The following DBR1 variants were observed in gnomAD, a reference collection of about 807,000 sequenced individuals.
DBR1 encodes the protein debranching RNA lariats 1.
Under a neutral mutation model 45.9 loss-of-function variants are expected in DBR1, and 33 were observed. The observed-to-expected ratio is 0.72, with a 90% confidence interval of 0.55 to 0.96. The LOEUF is 0.96. DBR1 is among the 40% of genes least tolerant of loss of function. The pLI is 0.00. For missense variants in DBR1, 619 were observed against 667.4 expected (o/e 0.93, Z 0.80); for synonymous variants, 235 against 235.9 (o/e 1.00, Z 0.04).
chr3:138,172,454 G>A (rs2042959626), intron 2 of DBR1, among the ~76,000 whole-genome samples: 1 of 152,068 alleles, frequency 6.6e-6, no homozygotes, highest in African/African-American at 2.4e-5. Context: ...AATTAGCCGG[G>A]CGTGGTGGTA....
chr3:138,171,996 T>G (rs2042957626), intron 2 of DBR1, among the ~76,000 whole-genome samples: 1 of 152,056 alleles, frequency 6.6e-6, no homozygotes, highest in Admixed American at 6.6e-5. Context: ...CAGACATAAT[T>G]TGGTACCTAA....
intron 4 of DBR1, 52 bp from the exon 5 acceptor site, chr3:138,167,357 A>C: frequency 8.0e-7 from 1 of 1,252,582 alleles, no homozygotes; most frequent in Non-Finnish European, 1.1e-6. Flanking sequence ...CAGATTAACC[A>C]AAACAATCCC....
intron 7 of DBR1, 37 bp from the exon 8 acceptor site, chr3:138,162,619 T>C (rs748990290): frequency 2.0e-6 from 3 of 1,513,710 alleles, no homozygotes; most frequent in South Asian, 2.3e-5. Context: ...TTACATTTTA[T>C]CAGCTCTAAA....
chr3:138,168,556 A>T (rs2042940850), intron 4 of DBR1, among the ~76,000 whole-genome samples: 1 of 151,976 alleles, frequency 6.6e-6, no homozygotes, highest in Non-Finnish European at 1.5e-5. Flanking sequence ...ACTGCTCAAG[A>T]CAATACAAAA....
In DBR1 at chr3:138,173,496, A is replaced by G; in HGVS notation, c.322+6T>C. 2 of 1,613,504 alleles carry G rather than the reference A, an allele frequency of 1.2e-6. No individual in the cohort carries two copies. Among genetic ancestry groups the G allele is most frequent in the Non-Finnish European group, 1.7e-6 (2 of 1,179,646 alleles). ...AAAAAAAGTATCCACAAACACAATC[A>G]CATACCTAAATAATAAATGTTTGGT... On this transcript the variant is annotated splice_donor_region_variant and intron_variant, in intron 2 of 7. Transcript: ENST00000260803.
intron 3 of DBR1, among the ~76,000 whole-genome samples, chr3:138,170,615 C>T (rs2042949764): frequency 6.6e-6 from 1 of 152,142 alleles, no homozygotes; most frequent in Admixed American, 6.5e-5. Context: ...CCACACCTGC[C>T]ACAGAGAAGA....
chr3:138,165,295 C>A (rs768360927), intron 5 of DBR1, among the ~76,000 whole-genome samples: 20 of 152,096 alleles, frequency 1.3e-4, no homozygotes, highest in Non-Finnish European at 2.5e-4. Context: ...CAGATTTTTT[C>A]AGATTTTGGA....
At chr3:138,166,869 C>A (rs1476419448) in intron 5 of DBR1, among the ~76,000 whole-genome samples, 1 of 152,210 alleles carries the variant, frequency 6.6e-6, no homozygotes, top group African/African-American at 2.4e-5. Flanking sequence ...TCCCATCCCA[C>A]CACAGTCTGG....
chr3:138,169,808 C>T (rs2042946384), intron 4 of DBR1, among the ~76,000 whole-genome samples: 1 of 151,956 alleles, frequency 6.6e-6, no homozygotes, highest in Non-Finnish European at 1.5e-5. Context: ...TGGTGTGCGC[C>T]CATAGTTCCA....
chr3:138,169,025 T>C (rs868771090), intron 4 of DBR1, among the ~76,000 whole-genome samples: 1 of 151,604 alleles, frequency 6.6e-6, no homozygotes, highest in African/African-American at 2.4e-5. Context: ...CTTAAAGGAC[T>C]GGTAGGATTT....
In DBR1 at chr3:138,174,731, A is replaced by T. The variant is rs1274114946; in HGVS notation, c.65T>A (p.Leu22Gln). Reference sequence around the variant, plus strand: ...AGGCCCCGGGCCGCGCCGCTCTGCCAGCGCCAGCGTCTCATAGATCTTATC... The same window carrying T: ...AGGCCCCGGGCCGCGCCGCTCTGCCTGCGCCAGCGTCTCATAGATCTTATC... ...ELDKIYETLA[L>Q]AERRGPGPVD... Residue 22 changes from leucine (L) to glutamine (Q), a missense_variant, in exon 1 of 8, where the codon CTG becomes CAG. Transcript: ENST00000260803. The T allele has an allele frequency of 6.2e-7, 1 of 1,612,812 alleles. No homozygotes were observed. Among genetic ancestry groups the T allele is most frequent in the Admixed American group, 1.7e-5 (1 of 59,952 alleles).
At chr3:138,166,088 T>C (rs1360245579) in intron 5 of DBR1, among the ~76,000 whole-genome samples, 1 of 152,220 alleles carries the variant, frequency 6.6e-6, no homozygotes, top group African/African-American at 2.4e-5. Flanking sequence ...CGTCACATTC[T>C]ACTCTTGAGA....
In DBR1 at chr3:138,164,961, C is replaced by T. The variant is rs187657503; in HGVS notation, c.715-1103G>A. On this transcript the variant is annotated intron_variant, in intron 5 of 7. Transcript: ENST00000260803. ...CATGCCAAAACATATTAATTTTATG[C>T]TATGTAAATTATACTCCAATAAAGG... 1.9e-3 allele frequency among the ~76,000 whole-genome samples: 290 copies of T among 151,996 alleles called. 2 individuals carry two copies. Among genetic ancestry groups the T allele is most frequent in the African/African-American group, 6.6e-3 (274 of 41,468 alleles).
chr3:138,174,023 GAA>G (rs138787515), intron 1 of DBR1, among the ~76,000 whole-genome samples: 9 of 123,922 alleles, frequency 7.3e-5, no homozygotes, highest in African/African-American at 1.3e-4. Context: ...TCTGTCTCAA[GAA>G]AAAAAAAAAA....
chr3:138,170,313 T>C, intron 3 of DBR1, 121 bp from the exon 4 acceptor site: 1 of 617,778 alleles, frequency 1.6e-6, no homozygotes, highest in Non-Finnish European at 2.7e-6. Context: ...TTTAAAAAGT[T>C]ATCTAGGGAA....
At position 138,168,498 on chromosome 3, in the gene DBR1, C is replaced by G. The variant is rs1576534118; in HGVS notation, c.490-1193G>C. 2.2e-5 allele frequency among the ~76,000 whole-genome samples: 3 copies of G among 137,300 alleles called. No homozygotes were observed. The South Asian group carries it at 6.8e-4, about 31-fold the overall frequency. The allele number at this position is 137,300 out of a possible 152,430, so 90.1% of individuals were successfully genotyped here. A position where few individuals can be genotyped will look rare whatever the true frequency, so the allele number is the denominator to read the frequency against. On this transcript the variant is annotated intron_variant, in intron 4 of 7. Coordinates refer to ENST00000260803, the MANE Select transcript of DBR1 (RefSeq NM_016216.4). ...TCGCACTGTTGCACTCCAGCTTGGG[C>G]AACAGAAGTGAAACTTTGTCTCAAA...
At chr3:138,169,917 A>G (rs1364900500) in intron 4 of DBR1, among the ~76,000 whole-genome samples, 190 bp downstream of exon 4, 1 of 151,970 alleles carries the variant, frequency 6.6e-6, no homozygotes, top group Non-Finnish European at 1.5e-5. Flanking sequence ...TGGGTGACAT[A>G]GTGAGACTCT....
chr3:138,163,676 A>C (rs947687754), intron 6 of DBR1, 102 bp downstream of exon 6: 1 of 870,548 alleles, frequency 1.1e-6, no homozygotes, highest in Non-Finnish European at 1.6e-6. Context: ...CTCAGAATAC[A>C]TAAATTACAA....
intron 2 of DBR1, among the ~76,000 whole-genome samples, chr3:138,172,313 G>A (rs1348754812): frequency 6.6e-6 from 1 of 152,226 alleles, no homozygotes; most frequent in African/African-American, 2.4e-5. Flanking sequence ...GCTGGGTGCG[G>A]TGGCTCATCC....
Sources: allele counts gnomAD v4.1 joint callset (sites outside exome capture counted in the v4.1 genomes callset), GRCh38; gene constraint gnomAD v4.1.1; transcripts MANE v1.5; gene names NCBI Gene and HGNC (gene_info 2026-07-23, HGNC 2026-07-21).